Variants in GOLIM4 observed in about 807,000 individuals in gnomAD.
GOLIM4 encodes 130 kDa golgi-localized phosphoprotein.
In GOLIM4, 71 loss-of-function variants were observed where a neutral mutation model predicts 107.4. The observed-to-expected ratio is 0.66, with a 90% CI of 0.55 to 0.81. GOLIM4 has a LOEUF of 0.81. Ranked by LOEUF, GOLIM4 falls within the 30% of genes least tolerant of loss-of-function variation. The pLI is 0.00. For missense variants in GOLIM4, 830 were observed against 826.1 expected (o/e 1.00, Z -0.06); for synonymous variants, 327 against 294.8 (o/e 1.11, Z -1.12).
At chr3:168,050,229 T>C (rs1719537732) in intron 1 of GOLIM4, among the ~76,000 whole-genome samples, 1 of 151,728 alleles carries the variant, frequency 6.6e-6, no homozygotes, top group African/African-American at 2.4e-5. Flanking sequence ...AAAATAGTTG[T>C]GTTCCAAAAA....
chr3:168,019,727 T>A (rs981881243), intron 14 of GOLIM4, among the ~76,000 whole-genome samples: 1 of 152,192 alleles, frequency 6.6e-6, no homozygotes, highest in African/African-American at 2.4e-5. Flanking sequence ...ATTTTAAAAA[T>A]AAGGGTATTT....
chr3:168,058,702 A>C (rs989267706), intron 1 of GOLIM4, among the ~76,000 whole-genome samples: 1 of 152,218 alleles, frequency 6.6e-6, no homozygotes, highest in African/African-American at 2.4e-5. Context: ...ATTCTTAAAC[A>C]GAATCTCTTT....
intron 1 of GOLIM4, among the ~76,000 whole-genome samples, chr3:168,079,218 G>T (rs1721217886): frequency 6.6e-6 from 1 of 152,164 alleles, no homozygotes; most frequent in African/African-American, 2.4e-5. Context: ...AGTTTTGATA[G>T]GCTTACACAA....
At chr3:168,078,951 TTG>T (rs146940544) in intron 1 of GOLIM4, among the ~76,000 whole-genome samples, 74,125 of 151,512 alleles carry the variant, frequency 0.49, 19,155 homozygotes, top group African/African-American at 0.62. Context: ...GTTTTTACTT[TTG>T]GTCATATTTT....
At chr3:168,090,892 A>G (rs1721873868) in intron 1 of GOLIM4, among the ~76,000 whole-genome samples, 2 of 152,234 alleles carry the variant, frequency 1.3e-5, no homozygotes, top group Non-Finnish European at 2.9e-5. Context: ...CCTGGAGGCC[A>G]TTATCCTAAG....
chr3:168,078,471 T>C (rs1344058589), intron 1 of GOLIM4, among the ~76,000 whole-genome samples: 3 of 152,166 alleles, frequency 2.0e-5, no homozygotes, highest in Non-Finnish European at 4.4e-5. Context: ...CTTATTCTCA[T>C]CACTGTTCAC....
chr3:168,011,068 G>C (rs112894783), intron 14 of GOLIM4, among the ~76,000 whole-genome samples: 1 of 152,140 alleles, frequency 6.6e-6, no homozygotes, highest in African/African-American at 2.4e-5. Context: ...GAACAGCTCC[G>C]GTCTACAGCT....
chr3:168,033,401 C>G (rs984685062), intron 8 of GOLIM4, among the ~76,000 whole-genome samples: 4 of 151,290 alleles, frequency 2.6e-5, no homozygotes, highest in African/African-American at 9.7e-5. Flanking sequence ...GTCAGGAGAT[C>G]GAGACCATCC....
At chr3:168,062,305 G>A (rs938752208) in intron 1 of GOLIM4, among the ~76,000 whole-genome samples, 6 of 151,876 alleles carry the variant, frequency 4.0e-5, no homozygotes, top group Non-Finnish European at 1.5e-5. Context: ...CTAAGCCTCA[G>A]ATAGGATTTG....
At chr3:168,039,788 A>C (rs1718873804) in intron 7 of GOLIM4, among the ~76,000 whole-genome samples, 1 of 152,196 alleles carries the variant, frequency 6.6e-6, no homozygotes, top group Non-Finnish European at 1.5e-5. Flanking sequence ...ACTTGACAAA[A>C]ATTTTTATAA....
chr3:168,075,173 T>C (rs1721007684), intron 1 of GOLIM4, among the ~76,000 whole-genome samples: 1 of 148,860 alleles, frequency 6.7e-6, no homozygotes, highest in African/African-American at 2.5e-5. Flanking sequence ...AAAACAAAAA[T>C]AAAACTAATA....
chr3:168,062,909 G>A (rs796328422), intron 1 of GOLIM4, among the ~76,000 whole-genome samples: 7 of 152,266 alleles, frequency 4.6e-5, no homozygotes, highest in African/African-American at 1.7e-4. Context: ...GCTCCAAGGC[G>A]GAGGGAGTGA....
Position 168,021,263 on chromosome 3 carries a change from A to AGGG in GOLIM4, c.1860+3262_1860+3263insCCC, listed in dbSNP as rs540666199. ...CAGAGAGCTGAGCCTCAAGTAGGTA[A>AGGG]GAACAGTAGGATCCAAAGAGATAGA... On this transcript the variant is annotated intron_variant, in intron 14 of 15. Transcript: ENST00000470487. Among the ~76,000 whole-genome samples, 63 of 152,324 alleles carry AGGG rather than the reference A, an allele frequency of 4.1e-4. No homozygotes were observed. In the South Asian group the frequency reaches 0.011, roughly 28 times the overall value.
At chr3:168,017,249 G>A (rs1717424783) in intron 14 of GOLIM4, among the ~76,000 whole-genome samples, 1 of 151,868 alleles carries the variant, frequency 6.6e-6, no homozygotes, top group African/African-American at 2.4e-5. Flanking sequence ...GCACTTTGTG[G>A]GACTGAGGCA....
chr3:168,018,985 A>C (rs922597706), intron 14 of GOLIM4, among the ~76,000 whole-genome samples: 13 of 148,174 alleles, frequency 8.8e-5, no homozygotes, highest in South Asian at 2.1e-4. Context: ...ATGTAGCACA[A>C]AAAAAAAAAA....
intron 1 of GOLIM4, among the ~76,000 whole-genome samples, chr3:168,077,820 C>T (rs1171891156): frequency 6.6e-6 from 1 of 151,998 alleles, no homozygotes; most frequent in African/African-American, 2.4e-5. Context: ...ATTGCTAAGG[C>T]CTTATTTCCA....
chr3:168,019,114 A>G (rs906192756), intron 14 of GOLIM4, among the ~76,000 whole-genome samples: 1 of 152,198 alleles, frequency 6.6e-6, no homozygotes, highest in Non-Finnish European at 1.5e-5. Context: ...TATACTATGG[A>G]GTCAGAAAGA....
chr3:168,071,342 G>T (rs1296779544), intron 1 of GOLIM4, among the ~76,000 whole-genome samples: 1 of 152,068 alleles, frequency 6.6e-6, no homozygotes, highest in African/African-American at 2.4e-5. Context: ...CTAATTCAGT[G>T]CATGGCACAT....
Position 168,013,107 on chromosome 3 carries a change from G to C in GOLIM4, c.1861-2284C>G, listed in dbSNP as rs539438675. On this transcript the variant is annotated intron_variant, in intron 14 of 15. Transcript: ENST00000470487. ...GACACAGACTGGCAAATTGGATGAA[G>C]AGTCAAGACCCATCAGTGTGCTGTA... is the stretch of plus-strand genomic sequence containing the variant. 7.3e-4 allele frequency among the ~76,000 whole-genome samples: 111 copies of C among 151,514 alleles called. 2 individuals are homozygous for C. In the South Asian group the frequency reaches 0.023, roughly 31 times the overall value.
Sources: gnomAD v4.1 joint callset for allele counts (sites outside exome capture counted in the v4.1 genomes callset) on GRCh38, gnomAD v4.1.1 for gene constraint, MANE v1.5 for transcripts, NCBI Gene and HGNC (gene_info 2026-07-23, HGNC 2026-07-21) for gene names.